The following NUFIP2 variants were observed in gnomAD, a reference collection of about 807,000 sequenced individuals.
NUFIP2 encodes FMR1-interacting protein NUFIP2.
Under a neutral mutation model 56.9 loss-of-function variants are expected in NUFIP2, and 6 were observed. That is an observed-to-expected ratio of 0.11 (90% confidence interval 0.06 to 0.21). NUFIP2 has a LOEUF of 0.21. NUFIP2 is among the 10% of genes least tolerant of loss of function. The probability of loss-of-function intolerance (pLI) is 1.00; values close to 1 mark genes in which losing one functional copy is unlikely to be tolerated. For missense variants in NUFIP2, 828 were observed against 826.8 expected, an observed-to-expected ratio of 1.00 and a Z score of -0.02; for synonymous variants, 321 against 298.2, an observed-to-expected ratio of 1.08 and a Z score of -0.79.
At chr17:29,270,685 GAAA>G (rs201741412) in intron 2 of NUFIP2, among the ~76,000 whole-genome samples, 4 of 149,556 alleles carry the variant, frequency 2.7e-5, no homozygotes, top group Non-Finnish European at 5.9e-5. Context: ...GTCATACGCT[GAAA>G]AAAAAAATTG....
At position 29,262,914 on chromosome 17, in the gene NUFIP2, A is replaced by C. The variant is rs777382980; in HGVS notation, c.*1625T>G. The C allele has an allele frequency of 2.0e-5, 3 of 152,464 alleles. No homozygotes were observed. The highest frequency in any genetic ancestry group is 2.9e-5 in the Non-Finnish European group (2 of 67,992). 9.4% of individuals were successfully genotyped at this position (152,464 alleles called of 1,614,324 possible). On this transcript the variant is annotated 3_prime_UTR_variant, in exon 4 of 4. Transcript: ENST00000225388. ...ACTACTTGTTTTAAAAGCCTCAAATAATCAACAAAACAAGAAAACCCATCC... is the reference window on the plus strand; with the variant it reads ...ACTACTTGTTTTAAAAGCCTCAAATCATCAACAAAACAAGAAAACCCATCC...
intron 2 of NUFIP2, among the ~76,000 whole-genome samples, chr17:29,272,365 C>T (rs1196762854): frequency 1.3e-5 from 2 of 151,672 alleles, no homozygotes; most frequent in African/African-American, 4.8e-5. Flanking sequence ...CTCAGCCTCC[C>T]GAATAGCTGA....
intron 2 of NUFIP2, among the ~76,000 whole-genome samples, chr17:29,272,018 A>G (rs927235004): frequency 1.5e-5 from 2 of 135,124 alleles, no homozygotes; most frequent in Non-Finnish European, 3.1e-5. Context: ...GATTGCAGTG[A>G]GCCCAGATCA....
At chr17:29,285,871 A>G (rs2069170166) in intron 2 of NUFIP2, 121 bp downstream of exon 2, 1 of 740,718 alleles carries the variant, frequency 1.4e-6, no homozygotes, top group Middle Eastern at 3.6e-4. Flanking sequence ...CTGCTTATCC[A>G]CATTGTCATT....
intron 2 of NUFIP2, among the ~76,000 whole-genome samples, chr17:29,276,834 A>AC (rs1369644480): frequency 3.3e-5 from 5 of 152,190 alleles, no homozygotes; most frequent in African/African-American, 9.6e-5. Context: ...TATTAGGCAG[A>AC]CCCATTTGGC....
chr17:29,267,026 C>G (rs1266817095), intron 3 of NUFIP2, among the ~76,000 whole-genome samples: 1 of 151,750 alleles, frequency 6.6e-6, no homozygotes, highest in African/African-American at 2.4e-5. Flanking sequence ...GCCTCAGCCT[C>G]CCAAGTAGCT....
intron 1 of NUFIP2, among the ~76,000 whole-genome samples, chr17:29,292,329 A>C (rs769922073): frequency 3.3e-5 from 5 of 152,052 alleles, no homozygotes; most frequent in Non-Finnish European, 5.9e-5. Flanking sequence ...CATTTTTTAA[A>C]ATCCCTCACC....
Position 29,287,028 on chromosome 17 carries a change from C to T in NUFIP2, c.966G>A (p.Lys322=). ...CTTTGGAGGCAACAGCTGAAGCATG[C>T]TTTCCTTTGGGCCGATCATCAAACT... The part of the protein sequence containing the change: ...SKKFDDRPKG[K]HASAVASKED... Residue 322 remains lysine (K), a synonymous_variant, in exon 2 of 4, where the codon AAG becomes AAA. Transcript: ENST00000225388. 6.2e-7 allele frequency: 1 copy of T among 1,614,200 alleles called. No homozygotes were observed. Among genetic ancestry groups the T allele is most frequent in the Non-Finnish European group, 8.5e-7 (1 of 1,180,040 alleles).
At chr17:29,293,639 G>A (rs1250879397) in intron 1 of NUFIP2, 144 bp downstream of exon 1, 57 of 883,866 alleles carry the variant, frequency 6.4e-5, no homozygotes, top group Non-Finnish European at 9.2e-5. Flanking sequence ...CCGAGCTCTA[G>A]AATGAAAGGG....
At position 29,257,910 on chromosome 17, in the gene NUFIP2, C is replaced by T. The variant is rs534633062; in HGVS notation, c.*6629G>A. The T allele has an allele frequency of 4.6e-5, 7 of 152,250 alleles. No homozygotes were observed. Among genetic ancestry groups the T allele is most frequent in the African/African-American group, 1.2e-4 (5 of 41,540 alleles). The allele number at this position is 152,250 out of a possible 1,614,324, so 9.4% of individuals were successfully genotyped here. A position where few individuals can be genotyped will look rare whatever the true frequency, so the allele number is the denominator to read the frequency against. ...AAGATACAACAAAAAAAGTAAATCA[C>T]TTCCCCAGCTTATAAAATAGTTCCA... On this transcript the variant is annotated 3_prime_UTR_variant, in exon 4 of 4. Coordinates refer to ENST00000225388, the MANE Select transcript of NUFIP2 (RefSeq NM_020772.3).
rs2069010147 is a variant in NUFIP2, at chr17:29,262,635, ATCAG to A, written c.*1900_*1903del. 6.6e-6 allele frequency: 1 copy of A among 152,274 alleles called. No individual in the cohort carries two copies. The highest frequency in any genetic ancestry group is 6.6e-5 in the Admixed American group (1 of 15,222). 9.4% of individuals were successfully genotyped at this position (152,274 alleles called of 1,614,324 possible). A position where few individuals can be genotyped will look rare whatever the true frequency, so the allele number is the denominator to read the frequency against. On this transcript the variant is annotated 3_prime_UTR_variant, in exon 4 of 4. Transcript: ENST00000225388. Reference sequence around the variant, plus strand: ...ATATTATACATTTGAAAATTACAATATCAGTCAAAGTGATACAGTTTACAGGTGA... The same window carrying A: ...ATATTATACATTTGAAAATTACAATATCAAAGTGATACAGTTTACAGGTGA...
intron 2 of NUFIP2, among the ~76,000 whole-genome samples, chr17:29,276,912 C>A (rs568333262): frequency 1.8e-4 from 27 of 152,288 alleles, no homozygotes; most frequent in African/African-American, 6.3e-4. Flanking sequence ...TGAACAGATA[C>A]AGCATTTAAT....
chr17:29,284,706 C>CAAAAAAAAAAAAAAAAAA (rs66700326), intron 2 of NUFIP2, among the ~76,000 whole-genome samples: 21 of 53,558 alleles, frequency 3.9e-4, no homozygotes, highest in East Asian at 1.1e-3. Flanking sequence ...GACTCCATCT[C>CAAAAAAAAAAAAAAAAAA]AAAAAAAAAA....
At chr17:29,273,054 A>G (rs1309342639) in intron 2 of NUFIP2, among the ~76,000 whole-genome samples, 1 of 150,792 alleles carries the variant, frequency 6.6e-6, no homozygotes, top group Non-Finnish European at 1.5e-5. Context: ...ACATATATAT[A>G]TATAGGAGAC....
At chr17:29,275,423 T>C (rs188504488) in intron 2 of NUFIP2, among the ~76,000 whole-genome samples, 11 of 152,206 alleles carry the variant, frequency 7.2e-5, no homozygotes, top group Non-Finnish European at 1.2e-4. Context: ...GGAACAACAT[T>C]TGAGAAACAG....
intron 1 of NUFIP2, among the ~76,000 whole-genome samples, chr17:29,290,281 A>G (rs144828430): frequency 2.4e-4 from 36 of 152,280 alleles, no homozygotes; most frequent in Non-Finnish European, 4.6e-4. Flanking sequence ...AGCCAATCAA[A>G]TCAAATTTTT....
At chr17:29,293,423 T>C (rs543964942) in intron 1 of NUFIP2, among the ~76,000 whole-genome samples, 28 of 151,936 alleles carry the variant, frequency 1.8e-4, no homozygotes, top group African/African-American at 6.5e-4. Context: ...GGGGGGTAGG[T>C]TTACCCCATC....
chr17:29,293,975 G>C lies in NUFIP2; in HGVS notation c.85C>G (p.Gln29Glu). Residue 29 changes from glutamine to glutamate, a missense_variant, in exon 1 of 4, where the codon CAG (glutamine) becomes GAG (glutamate). This residue lies in a region of NUFIP2 where 415 missense variants were observed against 408.7 expected (regional missense o/e 1.02). Coordinates refer to ENST00000225388, the MANE Select transcript of NUFIP2 (RefSeq NM_020772.3). Reference protein sequence around the residue: ...PHHHPQQQQQQPHHHHHYYFY... With the variant: ...PHHHPQQQQQEPHHHHHYYFY... The stretch of plus-strand genomic sequence containing the variant: ...TAATAATGGTGGTGGTGGTGCGGCT[G>C]CTGCTGCTGCTGCTGAGGGTGATGG... 1.2e-6 allele frequency: 2 copies of C among 1,611,558 alleles called. No individual in the cohort carries two copies. Among genetic ancestry groups the C allele is most frequent in the Non-Finnish European group, 1.7e-6 (2 of 1,177,952 alleles).
At chr17:29,290,287 T>A (rs933890282) in intron 1 of NUFIP2, among the ~76,000 whole-genome samples, 1 of 152,100 alleles carries the variant, frequency 6.6e-6, no homozygotes, top group Non-Finnish European at 1.5e-5. Context: ...TCAAATCAAA[T>A]TTTTGGTGGC....
Sources: gnomAD v4.1 joint callset for allele counts (sites outside exome capture counted in the v4.1 genomes callset) on GRCh38, gnomAD v4.1.1 for gene constraint, gnomAD v4.1.1 regional missense constraint, MANE v1.5 for transcripts, NCBI Gene and HGNC (gene_info 2026-07-23, HGNC 2026-07-21) for gene names.